IARS1: variants seen among roughly 807,000 people sequenced by gnomAD.
IARS1 encodes the protein isoleucyl-tRNA synthetase 1.
In IARS1, 124 loss-of-function variants were observed where a neutral mutation model predicts 168.2. The ratio of observed to expected loss-of-function variants is 0.74; its 90% CI spans 0.64 to 0.86. The LOEUF is 0.86. Among genes scored for constraint, IARS1 ranks in the 40% least tolerant of loss-of-function variants. IARS1 has a pLI of 0.00. For synonymous variants in IARS1, 532 were observed against 529.4 expected (o/e 1.00, Z -0.07); for missense variants, 1,452 against 1,515.8 (o/e 0.96, Z 0.70).
At chr9:92,284,767 TCAAACAAA>T (rs932114161) in intron 6 of IARS1, among the ~76,000 whole-genome samples, 2 of 152,142 alleles carry the variant, frequency 1.3e-5, no homozygotes, top group Non-Finnish European at 2.9e-5. Flanking sequence ...AGACTCTGAC[TCAAACAAA>T]CAAACAAACA....
At chr9:92,285,661 TA>T in intron 6 of IARS1, 60 bp downstream of exon 6, 1 of 1,036,812 alleles carries the variant, frequency 9.6e-7, no homozygotes, top group East Asian at 2.4e-5. Flanking sequence ...ACTGTGATCA[TA>T]ACTACTCAGC....
At chr9:92,235,513 A>ATTTT (rs558342421) in intron 30 of IARS1, among the ~76,000 whole-genome samples, 28 of 114,186 alleles carry the variant, frequency 2.5e-4, no homozygotes, top group South Asian at 2.9e-4. Context: ...AATTACATTG[A>ATTTT]TTTTTTTTTT....
At chr9:92,231,915 CT>C (rs1442088949) in intron 30 of IARS1, among the ~76,000 whole-genome samples, 1 of 152,142 alleles carries the variant, frequency 6.6e-6, no homozygotes, top group African/African-American at 2.4e-5. Flanking sequence ...AGATATACAA[CT>C]TTTAAATCCT....
intron 7 of IARS1, among the ~76,000 whole-genome samples, chr9:92,280,020 A>G (rs1436788601): frequency 1.3e-5 from 2 of 152,082 alleles, no homozygotes; most frequent in African/African-American, 2.4e-5. Flanking sequence ...TAAATACCCT[A>G]TTTGGTTTAT....
At chr9:92,283,595 C>G (rs943450880) in intron 6 of IARS1, among the ~76,000 whole-genome samples, 1 of 152,116 alleles carries the variant, frequency 6.6e-6, no homozygotes, top group Non-Finnish European at 1.5e-5. Context: ...GAGCCAAGAT[C>G]ACACCACTGT....
At chr9:92,238,564 C>T (rs982452514) in intron 30 of IARS1, among the ~76,000 whole-genome samples, 11 of 152,218 alleles carry the variant, frequency 7.2e-5, no homozygotes, top group African/African-American at 2.4e-4. Flanking sequence ...GCTTCTCATA[C>T]AGCCTGCAGA....
At chr9:92,212,881 T>TG (rs895829737) in intron 33 of IARS1, among the ~76,000 whole-genome samples, 16 of 152,016 alleles carry the variant, frequency 1.1e-4, no homozygotes, top group Non-Finnish European at 2.9e-5. Context: ...TAAGGAGCTT[T>TG]GGGGGCTCTA....
intron 16 of IARS1, among the ~76,000 whole-genome samples, chr9:92,264,204 G>A (rs770412497): frequency 7.9e-5 from 12 of 152,004 alleles, no homozygotes; most frequent in Non-Finnish European, 1.5e-4. Flanking sequence ...GCATGGTGGT[G>A]CATGCCTGTA....
intron 14 of IARS1, among the ~76,000 whole-genome samples, chr9:92,267,588 G>A (rs1405709956): frequency 6.6e-6 from 1 of 152,112 alleles, no homozygotes; most frequent in African/African-American, 2.4e-5. Context: ...CAAATATCTG[G>A]TCTCAAGCGA....
chr9:92,229,155 T>C, intron 30 of IARS1, 29 bp from the exon 31 acceptor site: 2 of 1,601,374 alleles, frequency 1.2e-6, no homozygotes, highest in Admixed American at 1.7e-5. Context: ...AACACCTCAA[T>C]CAGACAAATA....
chr9:92,274,189 G>A (rs1268558030), intron 10 of IARS1, among the ~76,000 whole-genome samples: 1 of 152,126 alleles, frequency 6.6e-6, no homozygotes, highest in Non-Finnish European at 1.5e-5. Flanking sequence ...CTAGATGCCT[G>A]TCAAAACTCA....
At chr9:92,287,523 G>A (rs1835641409) in intron 4 of IARS1, 1 of 231,618 alleles carries the variant, frequency 4.3e-6, no homozygotes, top group Admixed American at 5.6e-5. Context: ...GAGAAAAAAA[G>A]AAAAGGCCTA....
At chr9:92,223,207 T>C in intron 32 of IARS1, 139 bp downstream of exon 32, 1 of 613,644 alleles carries the variant, frequency 1.6e-6, no homozygotes, top group Non-Finnish European at 2.5e-6. Context: ...AAGCCTGTGG[T>C]TGCTCCCCAA....
intron 24 of IARS1, 84 bp downstream of exon 24, chr9:92,250,103 G>A: frequency 1.0e-6 from 1 of 979,150 alleles, no homozygotes. Flanking sequence ...GGCCATTGGT[G>A]GAAGCTCTCT....
intron 29 of IARS1, 139 bp from the exon 30 acceptor site, chr9:92,241,100 T>C (rs1828335179): frequency 1.9e-6 from 1 of 532,330 alleles, no homozygotes; most frequent in Non-Finnish European, 3.4e-6. Context: ...TTACTCAAAG[T>C]ATCAAAAGCT....
intron 11 of IARS1, among the ~76,000 whole-genome samples, chr9:92,271,330 C>T (rs17518691): frequency 0.031 from 4,654 of 152,290 alleles, 111 homozygotes; most frequent in South Asian, 0.079. Flanking sequence ...TTTTTCTGAT[C>T]TTTCCCCATG....
At chr9:92,235,343 C>T (rs1180056224) in intron 30 of IARS1, among the ~76,000 whole-genome samples, 2 of 152,030 alleles carry the variant, frequency 1.3e-5, no homozygotes, top group Non-Finnish European at 2.9e-5. Flanking sequence ...ATAATGGTAG[C>T]TGTAGGATTT....
chr9:92,258,868 G>C lies in IARS1; in HGVS notation c.2002C>G (p.Leu668Val). The C allele has an allele frequency of 6.2e-7, 1 of 1,611,018 alleles. No homozygotes were observed. The highest frequency in any genetic ancestry group is 1.3e-5 in the African/African-American group (1 of 74,890). Reference protein sequence around the residue: ...NAYRFLIQNVLRLQKEEEIEF... With the variant: ...NAYRFLIQNVVRLQKEEEIEF... ...ACAGCCCATACCTTCTGGAGCCTCAGAACGTTCTGGATTAAGAAGCGATAG... is the reference window on the plus strand; with the variant it reads ...ACAGCCCATACCTTCTGGAGCCTCACAACGTTCTGGATTAAGAAGCGATAG... The change falls in exon 19 of 34, where the codon CTG becomes GTG. Residue 668 changes from leucine (L) to valine (V), a missense_variant. Coordinates refer to ENST00000443024, the MANE Select transcript of IARS1 (RefSeq NM_002161.6).
At chr9:92,219,860 C>A (rs1049293037) in intron 33 of IARS1, among the ~76,000 whole-genome samples, 6 of 149,890 alleles carry the variant, frequency 4.0e-5, no homozygotes, top group African/African-American at 1.5e-4. Context: ...GTCAGTGTGG[C>A]GATTCCTCAG....
Sources: gnomAD v4.1 joint callset for allele counts (sites outside exome capture counted in the v4.1 genomes callset) on GRCh38, gnomAD v4.1.1 for gene constraint, MANE v1.5 for transcripts, NCBI Gene and HGNC (gene_info 2026-07-23, HGNC 2026-07-21) for gene names.